The following GPHN variants were observed in gnomAD, a reference collection of about 807,000 sequenced individuals.
The protein encoded by GPHN is gephyrin.
In GPHN, 17 loss-of-function variants were observed where a neutral mutation model predicts 95.5. The observed-to-expected ratio is 0.18, with a 90% confidence interval of 0.12 to 0.27. GPHN has a LOEUF of 0.27. Among genes scored for constraint, GPHN ranks in the 10% least tolerant of loss-of-function variants. GPHN has a pLI of 1.00. For synonymous variants in GPHN, 320 were observed against 322.5 expected (o/e 0.99, Z 0.08); for missense variants, 660 against 978.1 (o/e 0.67, Z 4.34).
the GPHN span, among the ~76,000 whole-genome samples, chr14:67,438,319 T>A: frequency 9.2e-5 from 14 of 152,330 alleles, no homozygotes; most frequent in African/African-American, 2.4e-4. Context: ...CTGATGCTGG[T>A]TTCAGCTCCC....
intron 5 of GPHN, among the ~76,000 whole-genome samples, chr14:66,913,980 T>G (rs977539135): frequency 1.6e-4 from 25 of 152,146 alleles, no homozygotes; most frequent in African/African-American, 5.3e-4. Context: ...AAATTAATTT[T>G]TAAACACTTC....
At chr14:67,570,014 TA>T in the GPHN span, 1 of 1,571,162 alleles carries the variant, frequency 6.4e-7, no homozygotes, top group Non-Finnish European at 8.7e-7. Context: ...CTGAAGGGGG[TA>T]AGAAACTGCT....
intron 2 of GPHN, among the ~76,000 whole-genome samples, chr14:66,749,819 C>G (rs2153447049): frequency 6.6e-6 from 1 of 151,118 alleles, no homozygotes; most frequent in South Asian, 2.1e-4. Context: ...TTCACAGTGC[C>G]TTTTACAAAG....
chr14:67,142,009 C>T (rs530380673), intron 17 of GPHN, among the ~76,000 whole-genome samples: 1 of 152,170 alleles, frequency 6.6e-6, no homozygotes, highest in South Asian at 2.1e-4. Context: ...GCAAAGAAGA[C>T]ATTTATGGAA....
chr14:67,695,000 T>G, the GPHN span, among the ~76,000 whole-genome samples: 1 of 152,288 alleles, frequency 6.6e-6, no homozygotes, highest in East Asian at 1.9e-4. Flanking sequence ...GTCAATACCT[T>G]CCCACCATTC....
chr14:67,491,799 A>G, the GPHN span, among the ~76,000 whole-genome samples: 1 of 152,212 alleles, frequency 6.6e-6, no homozygotes, highest in African/African-American at 2.4e-5. Context: ...GGAGGGGCCA[A>G]GCTCAACTAC....
chr14:66,776,317 T>C lies in GPHN; in HGVS notation c.144-147T>C, dbSNP rs76056267. 8,701 of 678,190 alleles carry C rather than the reference T, an allele frequency of 0.013. 91 individuals carry two copies. The highest frequency in any genetic ancestry group is 0.017 in the Non-Finnish European group (6,245 of 365,932). 42.0% of individuals were successfully genotyped at this position (678,190 alleles called of 1,614,324 possible). A position where few individuals can be genotyped will look rare whatever the true frequency, so the allele number is the denominator to read the frequency against. On this transcript the variant is annotated intron_variant, in intron 2 of 22. Coordinates refer to ENST00000478722, the MANE Select transcript of GPHN (RefSeq NM_020806.5). The stretch of plus-strand genomic sequence containing the variant: ...CTTTTAAACTAATACATGGAAAATA[T>C]ATGCACAAAATGGTTGTTTTTCCTC...
At chr14:67,214,009 GTTGT>G in the GPHN span, among the ~76,000 whole-genome samples, 2 of 152,132 alleles carry the variant, frequency 1.3e-5, no homozygotes, top group Middle Eastern at 3.2e-3. Flanking sequence ...TTTTGATGGG[GTTGT>G]TTGTTTTTTT....
intron 2 of GPHN, among the ~76,000 whole-genome samples, chr14:66,702,652 G>C (rs1322523317): frequency 6.6e-6 from 1 of 152,128 alleles, no homozygotes; most frequent in Non-Finnish European, 1.5e-5. Flanking sequence ...CCATCCAAGG[G>C]TCAGCATCCT....
the GPHN span, chr14:67,647,835 C>T: frequency 3.0e-5 from 17 of 562,454 alleles, no homozygotes; most frequent in Non-Finnish European, 4.7e-5. Context: ...GAACAAATGG[C>T]AGTATCATGA....
At chr14:67,732,982 G>T in the GPHN span, among the ~76,000 whole-genome samples, 1 of 152,104 alleles carries the variant, frequency 6.6e-6, no homozygotes, top group Non-Finnish European at 1.5e-5. Context: ...AACATGGGGG[G>T]AGCGGGGAGG....
chr14:66,777,745 A>C (rs1385619489), intron 3 of GPHN, among the ~76,000 whole-genome samples: 3 of 152,212 alleles, frequency 2.0e-5, no homozygotes, highest in South Asian at 2.1e-4. Context: ...TCAATACATG[A>C]AGAAAAGGCC....
rs1555482635 is a variant in GPHN at position 67,070,711 on chromosome 14, A to AT, written c.1144+11925_1144+11926insT. Among the ~76,000 whole-genome samples, 153 of 89,874 alleles carry AT rather than the reference A, an allele frequency of 1.7e-3. 3 individuals are homozygous for AT. In the South Asian group the frequency reaches 0.04, roughly 23 times the overall value. 59.0% of individuals were successfully genotyped at this position (89,874 alleles called of 152,430 possible). A position where few individuals can be genotyped will look rare whatever the true frequency, so the allele number is the denominator to read the frequency against. ...CTTCATCTCAAAAAAAAAAAAAAAA[A>AT]AAAAATATATATATATATCCAATCA... is the stretch of plus-strand genomic sequence containing the variant. On this transcript the variant is annotated intron_variant, in intron 11 of 22. Coordinates refer to ENST00000478722, the MANE Select transcript of GPHN (RefSeq NM_020806.5).
chr14:67,506,127 A>G, the GPHN span, among the ~76,000 whole-genome samples: 1 of 152,238 alleles, frequency 6.6e-6, no homozygotes, highest in Non-Finnish European at 1.5e-5. Context: ...GTACCCAGTG[A>G]GCACTTTCCT....
chr14:66,540,445 G>C (rs773206387), intron 1 of GPHN, among the ~76,000 whole-genome samples: 1 of 152,144 alleles, frequency 6.6e-6, no homozygotes, highest in Non-Finnish European at 1.5e-5. Context: ...ATTACAAATT[G>C]TGATAGAATC....
At chr14:66,847,287 G>C (rs1042959482) in intron 4 of GPHN, among the ~76,000 whole-genome samples, 1 of 152,032 alleles carries the variant, frequency 6.6e-6, no homozygotes, top group Non-Finnish European at 1.5e-5. Context: ...AAAAGATTTT[G>C]CTTTGCCTGC....
At chr14:67,073,462 T>C (rs1408269894) in intron 11 of GPHN, among the ~76,000 whole-genome samples, 1 of 152,308 alleles carries the variant, frequency 6.6e-6, no homozygotes. Flanking sequence ...TTTTAAAAAT[T>C]ATTCTTCCTA....
At chr14:67,695,584 C>T in the GPHN span, 5 of 1,563,410 alleles carry the variant, frequency 3.2e-6, 1 homozygote, top group Admixed American at 5.3e-5. Context: ...TTCCCTCCCG[C>T]CCCGCAACAA....
At chr14:67,538,297 T>G in the GPHN span, among the ~76,000 whole-genome samples, 1 of 152,338 alleles carries the variant, frequency 6.6e-6, no homozygotes, top group East Asian at 1.9e-4. Flanking sequence ...TCAGGATTCT[T>G]GGCCCAGTTC....
Sources: allele counts gnomAD v4.1 joint callset (sites outside exome capture counted in the v4.1 genomes callset), GRCh38; gene constraint gnomAD v4.1.1; transcripts MANE v1.5; gene names NCBI Gene and HGNC (gene_info 2026-07-23, HGNC 2026-07-21).